MAN2A1: variants seen among roughly 807,000 people sequenced by gnomAD.
MAN2A1 encodes alpha-mannosidase 2.
In MAN2A1, 76 loss-of-function variants were observed where a neutral mutation model predicts 142.6. The ratio of observed to expected loss-of-function variants is 0.53; its 90% CI spans 0.44 to 0.65. The LOEUF (loss-of-function observed/expected upper bound fraction) is 0.65. Ranked by LOEUF, MAN2A1 falls within the 30% of genes least tolerant of loss-of-function variation. The pLI, the probability that MAN2A1 is intolerant of heterozygous loss-of-function variation, is 0.00. For synonymous variants in MAN2A1, 559 were observed against 473.2 expected (o/e 1.18, Z -2.35); for missense variants, 1,311 against 1,365.1 (o/e 0.96, Z 0.62).
rs11420661 is a variant in MAN2A1 at position 109,730,560 on chromosome 5, TA to T, written c.707+1055del. 6.3e-3 allele frequency among the ~76,000 whole-genome samples: 953 copies of T among 151,502 alleles called. 6 individuals carry two copies. Among genetic ancestry groups the T allele is most frequent in the Non-Finnish European group, 0.011 (741 of 67,888 alleles). On this transcript the variant is annotated intron_variant, in intron 4 of 21. Coordinates refer to ENST00000261483, the MANE Select transcript of MAN2A1 (RefSeq NM_002372.4). ...ACCATTCACTTTTTAAAAAACTGAT[TA>T]AAAAAAATACGTTACGATGGGAGGT...
intron 8 of MAN2A1, among the ~76,000 whole-genome samples, chr5:109,780,761 G>A (rs1319279204): frequency 6.6e-6 from 1 of 152,066 alleles, no homozygotes; most frequent in African/African-American, 2.4e-5. Flanking sequence ...AGAAAGACCG[G>A]TGTGTTTAAG....
chr5:109,781,186 TC>T (rs1040751582), intron 8 of MAN2A1, among the ~76,000 whole-genome samples: 2 of 152,160 alleles, frequency 1.3e-5, no homozygotes, highest in Non-Finnish European at 2.9e-5. Flanking sequence ...GTATAAGTTT[TC>T]CCTTAGTTTA....
intron 13 of MAN2A1, 41 bp from the exon 14 acceptor site, chr5:109,819,628 A>G (rs770917672): frequency 8.2e-7 from 1 of 1,224,590 alleles, no homozygotes; most frequent in Admixed American, 2.5e-5. Context: ...CTCAGTAGAT[A>G]ACATTTATCT....
chr5:109,816,372 G>A (rs1754458194), intron 12 of MAN2A1, among the ~76,000 whole-genome samples: 1 of 152,124 alleles, frequency 6.6e-6, no homozygotes, highest in Non-Finnish European at 1.5e-5. Context: ...GTTGCACGTA[G>A]TTGCAAATAT....
chr5:109,797,275 C>T (rs1753888987), intron 12 of MAN2A1, among the ~76,000 whole-genome samples: 2 of 151,344 alleles, frequency 1.3e-5, no homozygotes, highest in African/African-American at 4.8e-5. Flanking sequence ...AAAAGAGGAC[C>T]TGGAACTCTC....
intron 16 of MAN2A1, among the ~76,000 whole-genome samples, chr5:109,834,931 A>G (rs1392305394): frequency 6.6e-6 from 1 of 152,158 alleles, no homozygotes; most frequent in African/African-American, 2.4e-5. Flanking sequence ...AGTAGTGGGA[A>G]TTATTACCAT....
chr5:109,715,480 A>G (rs1365708747), intron 2 of MAN2A1, among the ~76,000 whole-genome samples: 2 of 152,058 alleles, frequency 1.3e-5, no homozygotes, highest in African/African-American at 4.8e-5. Flanking sequence ...ATTAGCCAGA[A>G]GGAATGCTGC....
intron 2 of MAN2A1, among the ~76,000 whole-genome samples, chr5:109,714,391 G>T (rs1392413250): frequency 6.6e-6 from 1 of 152,056 alleles, no homozygotes; most frequent in African/African-American, 2.4e-5. Flanking sequence ...TTGATTATGA[G>T]TTAAGATAAT....
intron 1 of MAN2A1, among the ~76,000 whole-genome samples, chr5:109,708,604 A>G (rs1354518149): frequency 6.6e-6 from 1 of 150,460 alleles, no homozygotes; most frequent in South Asian, 2.1e-4. Context: ...GAGAAGTTCC[A>G]CTATTGGCCA....
intron 7 of MAN2A1, among the ~76,000 whole-genome samples, chr5:109,772,959 A>G (rs1476000652): frequency 1.3e-5 from 2 of 152,206 alleles, no homozygotes; most frequent in Non-Finnish European, 2.9e-5. Flanking sequence ...CAAGTACTAT[A>G]TATTTTAAGT....
At chr5:109,839,857 A>C (rs1755154699) in intron 16 of MAN2A1, among the ~76,000 whole-genome samples, 1 of 151,716 alleles carries the variant, frequency 6.6e-6, no homozygotes, top group Admixed American at 6.6e-5. Context: ...TTATCACTAG[A>C]TTGTTATTTT....
chr5:109,865,240 T>G, intron 21 of MAN2A1, 94 bp downstream of exon 21: 1 of 873,008 alleles, frequency 1.1e-6, no homozygotes, highest in East Asian at 2.5e-5. Context: ...TTTCATTGCT[T>G]CTTTACTGTC....
intron 16 of MAN2A1, among the ~76,000 whole-genome samples, chr5:109,826,087 G>A (rs936413981): frequency 6.6e-6 from 1 of 151,412 alleles, no homozygotes; most frequent in Non-Finnish European, 1.5e-5. Flanking sequence ...TCTATTTTTA[G>A]TAGGGATGGG....
At chr5:109,843,593 G>A (rs973487643) in intron 17 of MAN2A1, among the ~76,000 whole-genome samples, 1 of 152,118 alleles carries the variant, frequency 6.6e-6, no homozygotes, top group Non-Finnish European at 1.5e-5. Flanking sequence ...ATGTGTGTGT[G>A]TGTATACCAT....
At chr5:109,697,482 G>C (rs1436969179) in intron 1 of MAN2A1, among the ~76,000 whole-genome samples, 1 of 152,194 alleles carries the variant, frequency 6.6e-6, no homozygotes, top group Non-Finnish European at 1.5e-5. Context: ...CTCTGGTTTT[G>C]AACTCTGCTG....
At position 109,817,450 on chromosome 5, in the gene MAN2A1, C is replaced by G. The variant is rs1754496747; in HGVS notation, c.2109+12C>G. On this transcript the variant is annotated intron_variant, in intron 13 of 21. Coordinates refer to ENST00000261483, the MANE Select transcript of MAN2A1 (RefSeq NM_002372.4). ...AAACAGCCTATGAGGTATGTTGTAG[C>G]CATAGAACTTAAGGAGGCATTGTAA... The G allele has an allele frequency of 6.2e-7, 1 of 1,612,810 alleles. No individual in the cohort carries two copies. The highest frequency in any genetic ancestry group is 1.1e-5 in the South Asian group (1 of 90,926).
At chr5:109,836,171 G>A (rs533494942) in intron 16 of MAN2A1, among the ~76,000 whole-genome samples, 3 of 151,882 alleles carry the variant, frequency 2.0e-5, no homozygotes, top group South Asian at 2.1e-4. Context: ...GTGCAGTGGC[G>A]CGATCTTGGC....
chr5:109,857,669 G>T (rs182791841), intron 20 of MAN2A1, among the ~76,000 whole-genome samples: 4 of 152,176 alleles, frequency 2.6e-5, no homozygotes, highest in African/African-American at 9.6e-5. Flanking sequence ...TTTTTTTGTG[G>T]TTACTCACTT....
chr5:109,847,552 G>T lies in MAN2A1; in HGVS notation c.2843-105G>T, dbSNP rs1274669254. On this transcript the variant is annotated intron_variant, in intron 18 of 21. Coordinates refer to ENST00000261483, the MANE Select transcript of MAN2A1 (RefSeq NM_002372.4). ...TAAATCCACCTCCTTGACTAGAGAG[G>T]AAATTTAGAGCAATACATCATGACT... 8 of 1,037,270 alleles carry T rather than the reference G, an allele frequency of 7.7e-6. No homozygotes were observed. The Middle Eastern group carries it at 8.9e-4, about 116-fold the overall frequency. The allele number at this position is 1,037,270 out of a possible 1,614,324, so 64.3% of individuals were successfully genotyped here.
Sources: gnomAD v4.1 joint callset for allele counts (sites outside exome capture counted in the v4.1 genomes callset) on GRCh38, gnomAD v4.1.1 for gene constraint, MANE v1.5 for transcripts, NCBI Gene and HGNC (gene_info 2026-07-23, HGNC 2026-07-21) for gene names.